The following WSB2 variants were observed in gnomAD, a reference collection of about 807,000 sequenced individuals.
WSB2 encodes WD repeat and SOCS box-containing protein 2.
WSB2 carries 12 observed loss-of-function variants against 48.8 expected under a neutral mutation model. The observed-to-expected ratio is 0.25, with a 90% CI of 0.16 to 0.40. The LOEUF (loss-of-function observed/expected upper bound fraction) is 0.40, where lower values mean the gene tolerates loss of function less well. Among genes scored for constraint, WSB2 ranks in the 10% least tolerant of loss-of-function variants. The pLI is 1.00. For synonymous variants in WSB2, 191 were observed against 203.1 expected (o/e 0.94, Z 0.51); for missense variants, 317 against 506.2 (o/e 0.63, Z 3.59).
At chr12:118,057,197 G>A (rs191079279) in intron 1 of WSB2, among the ~76,000 whole-genome samples, 9 of 152,092 alleles carry the variant, frequency 5.9e-5, no homozygotes, top group Non-Finnish European at 1.3e-4. Flanking sequence ...AGAGCTGGGG[G>A]TGGGGTATCT....
chr12:118,057,917 C>G (rs2031987708), intron 1 of WSB2, among the ~76,000 whole-genome samples: 3 of 136,584 alleles, frequency 2.2e-5, no homozygotes, highest in African/African-American at 8.6e-5. Context: ...CCACCACACT[C>G]AGCATTTTTT....
At chr12:118,052,972 C>T (rs1041204426) in intron 1 of WSB2, among the ~76,000 whole-genome samples, 1 of 152,174 alleles carries the variant, frequency 6.6e-6, no homozygotes, top group Non-Finnish European at 1.5e-5. Flanking sequence ...GCCCTGCTTC[C>T]TCACACTCAG....
chr12:118,036,609 C>A (rs1281275781), intron 5 of WSB2, 99 bp from the exon 6 acceptor site: 6 of 1,286,056 alleles, frequency 4.7e-6, no homozygotes, highest in Non-Finnish European at 6.5e-6. Context: ...GCAGGCCCTG[C>A]AGCCAGGGCT....
At chr12:118,044,961 C>T (rs866218015) in intron 2 of WSB2, among the ~76,000 whole-genome samples, 8 of 152,042 alleles carry the variant, frequency 5.3e-5, no homozygotes, top group Admixed American at 6.6e-5. Flanking sequence ...TTAATTGGTG[C>T]GAAAATAATT....
At position 118,043,362 on chromosome 12, in the gene WSB2, A is replaced by G. The variant is rs2031681289; in HGVS notation, c.198T>C (p.Phe66=). ...PLEEQFIPKG[F]EAKSRSSKNE... ...TTTTGCTACTTCGGCTTTTGGCTTC[A>G]AACCCTTTAGGGATGCTGGGAGAAG... Residue 66 remains phenylalanine (F), a synonymous_variant, in exon 3 of 9, where the codon TTT becomes TTC. Coordinates refer to ENST00000315436, the MANE Select transcript of WSB2 (RefSeq NM_018639.5). 6.4e-7 allele frequency: 1 copy of G among 1,572,824 alleles called. No homozygotes were observed. Among genetic ancestry groups the G allele is most frequent in the South Asian group, 1.2e-5 (1 of 83,448 alleles).
At chr12:118,057,254 C>A (rs555480128) in intron 1 of WSB2, among the ~76,000 whole-genome samples, 1 of 152,070 alleles carries the variant, frequency 6.6e-6, no homozygotes, top group South Asian at 2.1e-4. Flanking sequence ...GTGAAAAGGC[C>A]TATGAATCAG....
chr12:118,060,934 G>GCCCCACCCC lies in WSB2; in HGVS notation c.13+93_13+101dup. 3.4e-6 allele frequency: 1 copy of GCCCCACCCC among 295,154 alleles called. No homozygotes were observed. Among genetic ancestry groups the GCCCCACCCC allele is most frequent in the African/African-American group, 2.3e-5 (1 of 43,266 alleles). 18.3% of individuals were successfully genotyped at this position (295,154 alleles called of 1,614,324 possible). A position where few individuals can be genotyped will look rare whatever the true frequency, so the allele number is the denominator to read the frequency against. ...GACGCCCCCGCCGCGTCCAGCCCCC[G>GCCCCACCCC]CCCCACCCCGCCCAGCCCGCCCCGG... On this transcript the variant is annotated intron_variant, in intron 1 of 8. Transcript: ENST00000315436. This position sits in a 1 kb window ranked among gnomAD's most constrained non-coding sequence, Gnocchi z 4.1.
chr12:118,034,463 C>T (rs1357892597), intron 8 of WSB2, 105 bp from the exon 9 acceptor site: 9 of 1,370,214 alleles, frequency 6.6e-6, no homozygotes, highest in African/African-American at 2.9e-5. Flanking sequence ...CAGGAGACTT[C>T]GGAGAGTGAA....
chr12:118,052,382 TC>T lies in WSB2; in HGVS notation c.109del (p.Asp37MetfsTer16). On this transcript the variant is annotated frameshift_variant, in exon 2 of 9. Coordinates refer to ENST00000315436, the MANE Select transcript of WSB2 (RefSeq NM_018639.5). LOFTEE classifies it high-confidence loss of function. Reference protein sequence around the residue: ...CETWSVAFSPDGSWFAWSQGH... With the variant: ...CETWSVAFSPXGSWFAWSQGH... ...TTGAGACCAAGCAAACCAGGAGCCA[TC>T]TGGGGAGAAGGCGACGCTCCAGGTT... 6.2e-7 allele frequency: 1 copy of T among 1,614,168 alleles called. No individual in the cohort carries two copies. Among genetic ancestry groups the T allele is most frequent in the South Asian group, 1.1e-5 (1 of 91,076 alleles).
At chr12:118,038,191 G>A in intron 5 of WSB2, 97 bp downstream of exon 5, 1 of 1,179,846 alleles carries the variant, frequency 8.5e-7, no homozygotes, top group Non-Finnish European at 1.2e-6. Flanking sequence ...CTATTGGGGT[G>A]GATTTGCGGA....
At chr12:118,045,159 G>A (rs933038415) in intron 2 of WSB2, among the ~76,000 whole-genome samples, 3 of 151,136 alleles carry the variant, frequency 2.0e-5, no homozygotes, top group African/African-American at 4.9e-5. Context: ...GGCAGATCAC[G>A]AGGTCAGGAG....
At position 118,047,303 on chromosome 12, in the gene WSB2, C is replaced by T. The variant is rs569397056; in HGVS notation, c.183-3926G>A. Reference sequence around the variant, plus strand: ...ATGCTCAACAAATACTTTGAGTTTGCTAATGAATCAAGGGATGAGTTACGT... The same window carrying T: ...ATGCTCAACAAATACTTTGAGTTTGTTAATGAATCAAGGGATGAGTTACGT... On this transcript the variant is annotated intron_variant, in intron 2 of 8. Coordinates refer to ENST00000315436, the MANE Select transcript of WSB2 (RefSeq NM_018639.5). Among the ~76,000 whole-genome samples, 17 of 152,222 alleles carry T rather than the reference C, an allele frequency of 1.1e-4. No individual in the cohort carries two copies. In the South Asian group the frequency reaches 3.5e-3, roughly 32 times the overall value.
intron 2 of WSB2, among the ~76,000 whole-genome samples, chr12:118,050,015 T>C (rs1470860270): frequency 1.3e-5 from 2 of 151,736 alleles, no homozygotes; most frequent in Non-Finnish European, 2.9e-5. Context: ...CTGGCCAACA[T>C]AGTAAAACCC....
intron 1 of WSB2, 26 bp downstream of exon 1, chr12:118,061,010 G>A (rs1386733809): frequency 1.0e-6 from 1 of 979,376 alleles, no homozygotes; most frequent in African/African-American, 1.8e-5. Context: ...CGCCGGGCGG[G>A]AACGGGCGCG....
intron 2 of WSB2, among the ~76,000 whole-genome samples, chr12:118,047,549 T>TCTTTTAAAATA (rs2031768985): frequency 6.6e-6 from 1 of 152,248 alleles, no homozygotes; most frequent in Non-Finnish European, 1.5e-5. Flanking sequence ...CCAAATTCTC[T>TCTTTTAAAATA]CTTTTAAAAT....
upstream of WSB2, chr12:118,062,061 G>T: frequency 6.5e-7 from 1 of 1,529,948 alleles, no homozygotes; most frequent in Admixed American, 2.0e-5. Flanking sequence ...AAAAAACGGG[G>T]CAGGAGCGAT....
intron 1 of WSB2, among the ~76,000 whole-genome samples, chr12:118,053,925 T>C (rs2031901359): frequency 6.6e-6 from 1 of 152,138 alleles, no homozygotes; most frequent in East Asian, 1.9e-4. Context: ...ATCTTACATT[T>C]TGACCTCGCT....
At chr12:118,057,554 C>T (rs1268852262) in intron 1 of WSB2, among the ~76,000 whole-genome samples, 2 of 152,046 alleles carry the variant, frequency 1.3e-5, no homozygotes, top group East Asian at 1.9e-4. Context: ...GGATTGCAGG[C>T]GTGAGTCACC....
intron 1 of WSB2, among the ~76,000 whole-genome samples, chr12:118,052,817 G>C (rs1268574572): frequency 6.6e-6 from 1 of 152,110 alleles, no homozygotes; most frequent in Admixed American, 6.6e-5. Flanking sequence ...CTGATTATGG[G>C]GCCAAAATAG....
Sources: gnomAD v4.1 joint callset for allele counts (sites outside exome capture counted in the v4.1 genomes callset) on GRCh38, gnomAD v4.1.1 for gene constraint, Gnocchi (gnomAD v3.1) non-coding constraint, MANE v1.5 for transcripts, NCBI Gene and HGNC (gene_info 2026-07-23, HGNC 2026-07-21) for gene names.